The following PPP1R9A variants were observed in gnomAD, a reference collection of about 807,000 sequenced individuals.
PPP1R9A encodes the protein neurabin-1.
Under a neutral mutation model 141.9 loss-of-function variants are expected in PPP1R9A, and 59 were observed. The observed-to-expected ratio is 0.42, with a 90% CI of 0.34 to 0.52. The LOEUF (loss-of-function observed/expected upper bound fraction) is 0.52. PPP1R9A is among the 20% of genes least tolerant of loss of function. The pLI is 0.10. For synonymous variants in PPP1R9A, 500 were observed against 569.7 expected (o/e 0.88, Z 1.74); for missense variants, 1,444 against 1,611.9 (o/e 0.90, Z 1.78).
intron 2 of PPP1R9A, among the ~76,000 whole-genome samples, chr7:95,015,954 G>A (rs1805046747): frequency 6.6e-6 from 1 of 152,106 alleles, no homozygotes; most frequent in African/African-American, 2.4e-5. Flanking sequence ...TCAGGAGACT[G>A]AGGCAAGAAG....
chr7:94,995,126 A>T (rs973797638), intron 2 of PPP1R9A, among the ~76,000 whole-genome samples: 2 of 125,482 alleles, frequency 1.6e-5, no homozygotes, highest in African/African-American at 5.5e-5. Flanking sequence ...TTCTAAGTTG[A>T]TATTTTTTTT....
chr7:95,256,732 C>G (rs1050581573), intron 12 of PPP1R9A, among the ~76,000 whole-genome samples: 3 of 151,996 alleles, frequency 2.0e-5, no homozygotes, highest in African/African-American at 7.2e-5. Flanking sequence ...CATTAAAAAA[C>G]TCGAGTCTTC....
At chr7:95,280,527 A>G (rs1803994906) in intron 16 of PPP1R9A, among the ~76,000 whole-genome samples, 1 of 152,264 alleles carries the variant, frequency 6.6e-6, no homozygotes, top group African/African-American at 2.4e-5. Flanking sequence ...AAGAGATATT[A>G]CATAAACCAT....
intron 2 of PPP1R9A, among the ~76,000 whole-genome samples, chr7:95,052,398 T>G (rs1290590208): frequency 6.6e-6 from 1 of 152,140 alleles, no homozygotes; most frequent in Non-Finnish European, 1.5e-5. Context: ...ATTGAAGAGT[T>G]AGTTAGAAGG....
intron 5 of PPP1R9A, among the ~76,000 whole-genome samples, chr7:95,180,351 A>T (rs111617229): frequency 0.12 from 18,652 of 152,104 alleles, 1,252 homozygotes; most frequent in East Asian, 0.17. Context: ...CTGGATCCTC[A>T]TCTCTCACCT....
chr7:95,141,348 A>C (rs1826645903), intron 4 of PPP1R9A, among the ~76,000 whole-genome samples: 1 of 152,170 alleles, frequency 6.6e-6, no homozygotes. Flanking sequence ...ACCTTTATTG[A>C]TATGTAATTC....
At chr7:94,982,705 T>C (rs867271888) in intron 2 of PPP1R9A, among the ~76,000 whole-genome samples, 9 of 152,238 alleles carry the variant, frequency 5.9e-5, no homozygotes, top group Middle Eastern at 6.8e-3. Flanking sequence ...GTTTGAGTTC[T>C]TTGTAGATTC....
chr7:94,981,556 A>T (rs927578241), intron 2 of PPP1R9A, among the ~76,000 whole-genome samples: 9 of 152,056 alleles, frequency 5.9e-5, no homozygotes, highest in Admixed American at 1.3e-4. Flanking sequence ...TTTAAAAAAA[A>T]CTTATTATTA....
At chr7:95,198,036 T>G (rs1836542865) in intron 5 of PPP1R9A, among the ~76,000 whole-genome samples, 1 of 152,232 alleles carries the variant, frequency 6.6e-6, no homozygotes, top group African/African-American at 2.4e-5. Flanking sequence ...CTTGCTTCTA[T>G]TTTGTATGGC....
intron 12 of PPP1R9A, among the ~76,000 whole-genome samples, chr7:95,252,834 C>T (rs1036134476): frequency 6.6e-6 from 1 of 152,198 alleles, no homozygotes; most frequent in Admixed American, 6.5e-5. Context: ...CAGACTGCTG[C>T]TTTCAGCACT....
chr7:94,992,400 T>C (rs1801629910), intron 2 of PPP1R9A, among the ~76,000 whole-genome samples: 1 of 152,246 alleles, frequency 6.6e-6, no homozygotes, highest in Non-Finnish European at 1.5e-5. Flanking sequence ...GATGTGGGAA[T>C]TGTTTTCAGT....
chr7:94,921,168 C>G (rs1228992648), intron 2 of PPP1R9A, among the ~76,000 whole-genome samples: 3 of 151,940 alleles, frequency 2.0e-5, no homozygotes, highest in African/African-American at 7.3e-5. Context: ...TTTTTGAGGC[C>G]GGGCGCGGTG....
Position 95,288,548 on chromosome 7 carries a change from G to A in PPP1R9A, c.3742G>A (p.Gly1248Arg). The stretch of plus-strand genomic sequence containing the variant: ...ATTCCTATCTTAGATCCTTGATGAT[G>A]GACAGTCTCCCAAACACAGTCAGTG... ...ALSSDEILDD[G>R]QSPKHSQCQN... The change falls in exon 19 of 20, where the codon GGA becomes AGA. Residue 1248 changes from glycine (G) to arginine (R), a missense_variant. Transcript: ENST00000433360. 1 of 1,613,806 alleles carries A rather than the reference G, an allele frequency of 6.2e-7. No homozygotes were observed. Among genetic ancestry groups the A allele is most frequent in the Admixed American group, 1.7e-5 (1 of 59,946 alleles).
intron 2 of PPP1R9A, among the ~76,000 whole-genome samples, chr7:95,071,481 T>G (rs760839770): frequency 1.3e-5 from 2 of 151,910 alleles, no homozygotes; most frequent in Non-Finnish European, 2.9e-5. Context: ...TAGTTGAAAT[T>G]TTTTTTATGT....
At position 95,295,599 on chromosome 7, in the gene PPP1R9A, G is replaced by A. The variant is rs935973156; in HGVS notation, c.*5296G>A. The A allele has an allele frequency of 6.6e-6, 1 of 152,190 alleles. No homozygotes were observed. The highest frequency in any genetic ancestry group is 2.4e-5 in the African/African-American group (1 of 41,436). The allele number at this position is 152,190 out of a possible 1,614,324, so 9.4% of individuals were successfully genotyped here. ...TTATTTACTTTTTGTGCAAGCAATG[G>A]CATTTTGGTTGTTGCCAAAAACAAC... On this transcript the variant is annotated 3_prime_UTR_variant, in exon 20 of 20. Transcript: ENST00000433360.
At chr7:95,207,719 A>G (rs1791143839) in intron 7 of PPP1R9A, among the ~76,000 whole-genome samples, 1 of 152,196 alleles carries the variant, frequency 6.6e-6, no homozygotes, top group Non-Finnish European at 1.5e-5. Flanking sequence ...TCTATTTAAA[A>G]AATCTCAAAA....
intron 8 of PPP1R9A, among the ~76,000 whole-genome samples, chr7:95,227,676 G>A (rs142725052): frequency 2.8e-4 from 43 of 152,166 alleles, no homozygotes; most frequent in Admixed American, 1.6e-3. Context: ...TTGCTTTCTG[G>A]CCCTTTACTG....
chr7:95,174,593 T>C (rs1017240708), intron 5 of PPP1R9A, among the ~76,000 whole-genome samples: 1 of 152,126 alleles, frequency 6.6e-6, no homozygotes, highest in African/African-American at 2.4e-5. Flanking sequence ...TACGAATTGA[T>C]TATTGTTGAT....
intron 8 of PPP1R9A, among the ~76,000 whole-genome samples, chr7:95,231,136 G>A (rs1234786998): frequency 2.0e-5 from 3 of 151,868 alleles, no homozygotes; most frequent in African/African-American, 4.8e-5. Flanking sequence ...TAAAGCAACA[G>A]CAGTTAAAAA....
Sources: gnomAD v4.1 joint callset for allele counts (sites outside exome capture counted in the v4.1 genomes callset) on GRCh38, gnomAD v4.1.1 for gene constraint, MANE v1.5 for transcripts, NCBI Gene and HGNC (gene_info 2026-07-23, HGNC 2026-07-21) for gene names.